The following LRRC9 variants were observed in gnomAD, a reference collection of about 807,000 sequenced individuals.
LRRC9 encodes the protein leucine rich repeat containing 9, also known as leucine-rich repeat-containing protein 9.
LRRC9 carries 122 observed loss-of-function variants against 63.2 expected under a neutral mutation model. The ratio of observed to expected loss-of-function variants is 1.93; its 90% CI spans 1.67 to 2.24. LRRC9 has a LOEUF of 2.24. Among genes scored for constraint, LRRC9 ranks in the 30% most tolerant of loss-of-function variants. The pLI is 0.00. For missense variants in LRRC9, 1,071 were observed against 627.7 expected, an observed-to-expected ratio of 1.71 and a Z score of -7.55; for synonymous variants, 366 against 213.1, an observed-to-expected ratio of 1.72 and a Z score of -6.25.
rs574856247 is a variant in LRRC9 at position 59,979,920 on chromosome 14, A to G, written c.1878+1788A>G. 4.6e-5 allele frequency among the ~76,000 whole-genome samples: 7 copies of G among 152,160 alleles called. No homozygotes were observed. The South Asian group carries it at 1.2e-3, about 27-fold the overall frequency. On this transcript the variant is annotated intron_variant, in intron 15 of 31. Coordinates refer to ENST00000445360, the Ensembl canonical transcript of LRRC9. ...CAGCATGGCACATGTATACATATGT[A>G]ACTAACCTGCACATTGTGCACATGT...
Position 60,034,103 on chromosome 14 carries a change from C to T in LRRC9, c.3990+2040C>T, listed in dbSNP as rs111228327. Among the ~76,000 whole-genome samples the T allele has an allele frequency of 3.1e-3, 468 of 149,498 alleles. 4 individuals carry two copies. The highest frequency in any genetic ancestry group is 0.011 in the African/African-American group (446 of 40,420). ...TGGCACAATCTCAGCTCACTGCAGC[C>T]TCTGCCTCCTGGGTTCAAGCAATTC... On this transcript the variant is annotated intron_variant, in intron 29 of 31. Coordinates refer to ENST00000445360, the Ensembl canonical transcript of LRRC9.
rs1162575369 is a variant in LRRC9 at position 59,922,527 on chromosome 14, G to A, written c.-34+2644G>A. Among the ~76,000 whole-genome samples, 1 of 152,186 alleles carries A rather than the reference G, an allele frequency of 6.6e-6. No homozygotes were observed. Among genetic ancestry groups the A allele is most frequent in the East Asian group, 1.9e-4 (1 of 5,202 alleles). On this transcript the variant is annotated intron_variant, in intron 1 of 31. Coordinates refer to ENST00000445360, the Ensembl canonical transcript of LRRC9. The surrounding 1 kb of genome is among the most constrained non-coding windows in gnomAD (Gnocchi z 5.3). ...CAAGGAAATTTGGCAATAAATGAAAGAGGAAAATTTGACAGCAGTATTCTG... is the reference window on the plus strand; with the variant it reads ...CAAGGAAATTTGGCAATAAATGAAAAAGGAAAATTTGACAGCAGTATTCTG...
chr14:59,931,597 A>G (rs1203836805), intron 4 of LRRC9, 22 bp from the exon 5 acceptor site: 1 of 689,308 alleles, frequency 1.5e-6, no homozygotes, highest in Non-Finnish European at 2.6e-6. Flanking sequence ...TGTTCTAAAT[A>G]ATATGTTGTC....
At chr14:59,988,395 A>AT (rs1408213803) in intron 17 of LRRC9, among the ~76,000 whole-genome samples, 1 of 152,080 alleles carries the variant, frequency 6.6e-6, no homozygotes, top group Non-Finnish European at 1.5e-5. Flanking sequence ...AACCTTATGA[A>AT]TTTTTTATAC....
At chr14:59,970,414 T>C (rs572442479) in intron 12 of LRRC9, among the ~76,000 whole-genome samples, 7 of 152,302 alleles carry the variant, frequency 4.6e-5, no homozygotes, top group South Asian at 4.1e-4. Context: ...GTCTTTATGA[T>C]AGAACGATTT....
chr14:60,035,758 T>C (rs544124932), intron 29 of LRRC9, among the ~76,000 whole-genome samples: 4 of 152,336 alleles, frequency 2.6e-5, no homozygotes, highest in South Asian at 2.1e-4. Flanking sequence ...GTAATAAAAT[T>C]TGAAGTCACA....
In LRRC9 at chr14:60,051,950, C is replaced by T. The variant is rs1893924851; in HGVS notation, c.3991-1115C>T. On this transcript the variant is annotated intron_variant, in intron 29 of 31. Coordinates refer to ENST00000445360, the Ensembl canonical transcript of LRRC9. The surrounding 1 kb of genome is among the most constrained non-coding windows in gnomAD (Gnocchi z 4.7). ...GGGTTCATTTGGCTCTGTGCCACTC[C>T]CATGTGGGCTGTCACCCCACCCTGC... Among the ~76,000 whole-genome samples the T allele has an allele frequency of 2.0e-5, 3 of 152,194 alleles. No homozygotes were observed. The highest frequency in any genetic ancestry group is 2.0e-4 in the Admixed American group (3 of 15,282).
In LRRC9 at chr14:60,003,444, T is replaced by C. The variant is rs1889555924; in HGVS notation, c.2665-177T>C. On this transcript the variant is annotated intron_variant, in intron 20 of 31. Coordinates refer to ENST00000445360, the Ensembl canonical transcript of LRRC9. The surrounding 1 kb of genome is among the most constrained non-coding windows in gnomAD (Gnocchi z 4.2). ...ATAAGTCCTTCTTGGAGTTATAATC[T>C]CGTCAAATTTTACTTTTCTGTAAAC... Among the ~76,000 whole-genome samples the C allele has an allele frequency of 6.6e-6, 1 of 152,230 alleles. No individual in the cohort carries two copies. Among genetic ancestry groups the C allele is most frequent in the African/African-American group, 2.4e-5 (1 of 41,470 alleles).
intron 1 of LRRC9, among the ~76,000 whole-genome samples, chr14:59,924,895 C>G (rs555967208): frequency 2.0e-5 from 3 of 151,774 alleles, no homozygotes; most frequent in East Asian, 3.9e-4. Flanking sequence ...GCCCCCCATC[C>G]CAGCTTTTTT....
chr14:60,014,768 G>T (rs930165345), intron 23 of LRRC9, among the ~76,000 whole-genome samples: 1 of 151,870 alleles, frequency 6.6e-6, no homozygotes, highest in Non-Finnish European at 1.5e-5. Flanking sequence ...TCTGAGGTTT[G>T]CTTAGCTTCT....
At chr14:60,000,463 T>C (rs1889249671) in intron 19 of LRRC9, among the ~76,000 whole-genome samples, 1 of 152,080 alleles carries the variant, frequency 6.6e-6, no homozygotes, top group African/African-American at 2.4e-5. Flanking sequence ...AATTAGTTTT[T>C]TAAAAAGAAA....
intron 10 of LRRC9, among the ~76,000 whole-genome samples, chr14:59,961,511 A>T (rs1884351119): frequency 6.6e-6 from 1 of 152,162 alleles, no homozygotes; most frequent in African/African-American, 2.4e-5. Flanking sequence ...TGTCTAGCAA[A>T]TCTTCTGTAG....
chr14:60,042,737 C>T lies in LRRC9; in HGVS notation c.3991-10328C>T, dbSNP rs550339473. On this transcript the variant is annotated intron_variant, in intron 29 of 31. Coordinates refer to ENST00000445360, the Ensembl canonical transcript of LRRC9. This position sits in a 1 kb window ranked among gnomAD's most constrained non-coding sequence, Gnocchi z 4.2. ...CCCTGTCCTGCTTTGGCTCATGCTC[C>T]GTGGGCTGCACCTATTGTCCGACAA... Among the ~76,000 whole-genome samples, 101 of 152,074 alleles carry T rather than the reference C, an allele frequency of 6.6e-4. No individual in the cohort carries two copies. The highest frequency in any genetic ancestry group is 2.3e-3 in the African/African-American group (95 of 41,518).
At chr14:59,980,190 GGTGT>G in intron 15 of LRRC9, among the ~76,000 whole-genome samples, 1 of 151,992 alleles carries the variant, frequency 6.6e-6, no homozygotes, top group East Asian at 1.9e-4. Context: ...ATTGTTTTAT[GGTGT>G]GTGAGGTAGA....
intron 29 of LRRC9, among the ~76,000 whole-genome samples, chr14:60,040,333 T>C (rs1344847399): frequency 6.6e-6 from 1 of 152,054 alleles, no homozygotes; most frequent in Admixed American, 6.5e-5. Flanking sequence ...TTCTGTCTCG[T>C]TGATCTGTCT....
chr14:60,006,799 TAC>T, intron 22 of LRRC9, 182 bp downstream of exon 22: 1 of 423,946 alleles, frequency 2.4e-6, no homozygotes, highest in Non-Finnish European at 4.1e-6. Flanking sequence ...TATCTGTGTA[TAC>T]ATAATGTCCC....
chr14:60,064,675 T>G (rs186026567), downstream of LRRC9, among the ~76,000 whole-genome samples: 255 of 152,340 alleles, frequency 1.7e-3, no homozygotes, highest in Middle Eastern at 0.014. Flanking sequence ...ATGCAGTTCT[T>G]AAGATGTCCA....
chr14:60,019,066 A>C, intron 25 of LRRC9, 55 bp from the exon 26 acceptor site: 1 of 618,974 alleles, frequency 1.6e-6, no homozygotes, highest in South Asian at 1.9e-5. Context: ...AGTTTTATCC[A>C]TACAATTTTT....
intron 17 of LRRC9, among the ~76,000 whole-genome samples, chr14:59,992,303 C>A (rs1195050325): frequency 2.0e-5 from 3 of 152,038 alleles, no homozygotes; most frequent in Non-Finnish European, 4.4e-5. Context: ...ACACCAAAAC[C>A]CCATCTGTAC....
Sources: allele counts gnomAD v4.1 joint callset (sites outside exome capture counted in the v4.1 genomes callset), GRCh38; gene constraint gnomAD v4.1.1; non-coding constraint Gnocchi (gnomAD v3.1); transcripts MANE v1.5; gene names NCBI Gene and HGNC (gene_info 2026-07-23, HGNC 2026-07-21).